Variants in WFDC1 observed in about 807,000 individuals in gnomAD.
WFDC1 encodes the protein WAP four-disulfide core domain protein 1.
Under a neutral mutation model 32.9 loss-of-function variants are expected in WFDC1, and 39 were observed. That is an observed-to-expected ratio of 1.19 (90% confidence interval 0.92 to 1.55). The LOEUF (loss-of-function observed/expected upper bound fraction) is 1.55. WFDC1 is among the 40% of genes most tolerant of loss of function. The probability of loss-of-function intolerance (pLI) is 0.00; values close to 1 mark genes in which losing one functional copy is unlikely to be tolerated. For missense variants in WFDC1, 386 were observed against 309.5 expected (o/e 1.25, Z -1.85); for synonymous variants, 184 against 137.4 (o/e 1.34, Z -2.37).
intron 2 of WFDC1, 96 bp downstream of exon 2, chr16:84,313,249 G>A (rs1907752755): frequency 1.4e-5 from 17 of 1,212,072 alleles, no homozygotes; most frequent in Non-Finnish European, 1.4e-5. Flanking sequence ...CTTAAAGCTG[G>A]GCCACCTGGG....
intron 1 of WFDC1, among the ~76,000 whole-genome samples, chr16:84,297,136 G>A (rs1011254515): frequency 5.3e-5 from 8 of 152,170 alleles, no homozygotes; most frequent in South Asian, 2.1e-4. Flanking sequence ...GTTGATATGC[G>A]CGGGGGATTT....
Position 84,313,116 on chromosome 16 carries a change from C to A in WFDC1, c.300C>A (p.Cys100Ter). The change falls in exon 2 of 7, where the codon TGC becomes TGA. Residue 100 changes from cysteine to a stop codon, truncating the protein, a stop_gained. Coordinates refer to ENST00000219454, the MANE Select transcript of WFDC1 (RefSeq NM_021197.4). LOFTEE classifies it high-confidence loss of function. Reference sequence around the variant, plus strand: ...ACCGGCGCTGCTGCTACAACGGATGCGCCTACGCCTGCCTAGAAGCTGTGC... The same window carrying A: ...ACCGGCGCTGCTGCTACAACGGATGAGCCTACGCCTGCCTAGAAGCTGTGC... ...PRHRRCCYNG[C>*]AYACLEAVPP... is the part of the protein sequence containing the mutation. 6.9e-7 allele frequency: 1 copy of A among 1,441,198 alleles called. No individual in the cohort carries two copies. The highest frequency in any genetic ancestry group is 1.5e-5 in the African/African-American group (1 of 66,952). The allele number at this position is 1,441,198 out of a possible 1,614,324, so 89.3% of individuals were successfully genotyped here. A position where few individuals can be genotyped will look rare whatever the true frequency, so the allele number is the denominator to read the frequency against.
Position 84,295,111 on chromosome 16 carries a change from C to A in WFDC1, c.140C>A (p.Ser47Tyr). The A allele has an allele frequency of 6.2e-7, 1 of 1,613,710 alleles. No individual in the cohort carries two copies. The highest frequency in any genetic ancestry group is 8.5e-7 in the Non-Finnish European group (1 of 1,179,766). Residue 47 changes from serine (S) to tyrosine (Y), a missense_variant, in exon 1 of 7, where the codon TCC becomes TAC. By Grantham distance (144) the Ser-to-Tyr change is moderately radical (BLOSUM62 -2). Transcript: ENST00000219454. ...TTGCCTGCGAGGCTGGCCGAGAAAT[C>A]CCGTGTAAGTGCCTGGGATGGGGAG... ...RALPARLAEK[S>Y]RAEEAGAPGG...
chr16:84,315,781 G>A (rs764563646), intron 2 of WFDC1, among the ~76,000 whole-genome samples: 4 of 152,158 alleles, frequency 2.6e-5, no homozygotes, highest in Non-Finnish European at 4.4e-5. Flanking sequence ...AGAAACACTG[G>A]TCTAACTCAG....
intron 1 of WFDC1, among the ~76,000 whole-genome samples, chr16:84,305,556 G>C (rs776040415): frequency 6.6e-6 from 1 of 152,194 alleles, no homozygotes; most frequent in Non-Finnish European, 1.5e-5. Context: ...TTCTGCATCT[G>C]CTGAGCATCT....
At chr16:84,310,284 T>G (rs1173145881) in intron 1 of WFDC1, among the ~76,000 whole-genome samples, 1 of 151,886 alleles carries the variant, frequency 6.6e-6, no homozygotes, top group Non-Finnish European at 1.5e-5. Context: ...AGCGCTGATT[T>G]GAGTCTCGGG....
intron 2 of WFDC1, among the ~76,000 whole-genome samples, chr16:84,315,181 C>G (rs981309130): frequency 4.6e-5 from 7 of 152,216 alleles, no homozygotes; most frequent in Admixed American, 1.3e-4. Flanking sequence ...ATATCCTCCC[C>G]CAGACATCCC....
intron 4 of WFDC1, among the ~76,000 whole-genome samples, chr16:84,322,003 C>G (rs1382634568): frequency 6.6e-6 from 1 of 152,130 alleles, no homozygotes; most frequent in Non-Finnish European, 1.5e-5. Context: ...TAGAATAGCA[C>G]CTGGCCCACT....
intron 1 of WFDC1, among the ~76,000 whole-genome samples, chr16:84,297,641 A>AAAC (rs1906683951): frequency 1.0e-4 from 13 of 129,340 alleles, no homozygotes; most frequent in South Asian, 2.5e-4. Flanking sequence ...AAAAAAAAAA[A>AAAC]AAAAAACTGT....
At chr16:84,319,225 T>C in intron 3 of WFDC1, 1 of 595,624 alleles carries the variant, frequency 1.7e-6, no homozygotes, top group Admixed American at 3.1e-5. Context: ...TGTGTTTGTG[T>C]GCGTGTTTGT....
chr16:84,320,695 T>C (rs1294954695), intron 4 of WFDC1, among the ~76,000 whole-genome samples: 3 of 152,170 alleles, frequency 2.0e-5, no homozygotes, highest in Non-Finnish European at 2.9e-5. Flanking sequence ...CAGGTTCACC[T>C]TGTCAAAGTC....
At chr16:84,303,155 C>T (rs1239538401) in intron 1 of WFDC1, among the ~76,000 whole-genome samples, 1 of 151,930 alleles carries the variant, frequency 6.6e-6, no homozygotes, top group Non-Finnish European at 1.5e-5. Flanking sequence ...ACTCTAAGCC[C>T]ACTGTTCCGG....
Position 84,319,480 on chromosome 16 carries a change from C to G in WFDC1, c.471C>G (p.Pro157=), listed in dbSNP as rs1190566546. Residue 157 remains proline, a synonymous_variant, in exon 4 of 7, where the codon CCC becomes CCG. Coordinates refer to ENST00000219454, the MANE Select transcript of WFDC1 (RefSeq NM_021197.4). ...TEDGAEPLLC[P]SGYECHILSP... is the part of the protein sequence containing the mutation. ...ATGGGGCCGAACCCCTGCTCTGTCCCTCGGGCTATGAGTGCCACATCCTGA... is the reference window on the plus strand; with the variant it reads ...ATGGGGCCGAACCCCTGCTCTGTCCGTCGGGCTATGAGTGCCACATCCTGA... 2.5e-6 allele frequency: 4 copies of G among 1,612,436 alleles called. No individual in the cohort carries two copies. The African/African-American group carries it at 4.0e-5, about 16-fold the overall frequency.
At chr16:84,319,631 G>A (rs1369495355) in intron 4 of WFDC1, 60 bp downstream of exon 4, 6 of 1,585,868 alleles carry the variant, frequency 3.8e-6, no homozygotes, top group East Asian at 4.5e-5. Flanking sequence ...CTCCCTGTAA[G>A]CGCCTCTCAC....
At chr16:84,303,820 G>C (rs1415923786) in intron 1 of WFDC1, among the ~76,000 whole-genome samples, 1 of 152,196 alleles carries the variant, frequency 6.6e-6, no homozygotes, top group Non-Finnish European at 1.5e-5. Context: ...TTAGCCGTCA[G>C]TCCTCCTTCC....
At position 84,295,007 on chromosome 16, in the gene WFDC1, G is replaced by C. The variant is rs1364931018; in HGVS notation, c.36G>C (p.Arg12Ser). 4 of 1,614,162 alleles carry C rather than the reference G, an allele frequency of 2.5e-6. No homozygotes were observed. In the South Asian group the frequency reaches 3.3e-5, roughly 13 times the overall value. Residue 12 changes from arginine (R) to serine (S), a missense_variant, in exon 1 of 7, where the codon AGG becomes AGC. By Grantham distance (110) the Arg-to-Ser change is moderately radical. Coordinates refer to ENST00000219454, the MANE Select transcript of WFDC1 (RefSeq NM_021197.4). ...CCGGCGTGGGGCCGGGCAGCTGCAG[G>C]AGGCAGATCATCCGGGCTCTGTGCC... ...PLTGVGPGSC[R>S]RQIIRALCLL...
At chr16:84,324,990 T>G (rs1000077505) in intron 5 of WFDC1, among the ~76,000 whole-genome samples, 10 of 152,044 alleles carry the variant, frequency 6.6e-5, no homozygotes, top group Admixed American at 2.0e-4. Flanking sequence ...CATCCATCTA[T>G]TCATTCTTCC....
chr16:84,310,243 G>C (rs1290298183), intron 1 of WFDC1, among the ~76,000 whole-genome samples: 1 of 151,932 alleles, frequency 6.6e-6, no homozygotes, highest in Non-Finnish European at 1.5e-5. Context: ...GCCTGGGAGG[G>C]CTGGTGTCAC....
intron 2 of WFDC1, among the ~76,000 whole-genome samples, 159 bp downstream of exon 2, chr16:84,313,312 G>C (rs943801116): frequency 1.3e-5 from 2 of 152,222 alleles, no homozygotes; most frequent in East Asian, 1.9e-4. Flanking sequence ...GGCGCTCCTT[G>C]AGCAGGCGTG....
Sources: allele counts gnomAD v4.1 joint callset (sites outside exome capture counted in the v4.1 genomes callset), GRCh38; gene constraint gnomAD v4.1.1; transcripts MANE v1.5; gene names NCBI Gene and HGNC (gene_info 2026-07-23, HGNC 2026-07-21).